Variants in ZEB1 observed in about 807,000 individuals in gnomAD.
ZEB1 encodes the protein zinc finger E-box binding homeobox 1.
A neutral mutation model predicts 84.9 loss-of-function variants in ZEB1; 21 were observed. The ratio of observed to expected loss-of-function variants is 0.25; its 90% confidence interval spans 0.18 to 0.36. The LOEUF (loss-of-function observed/expected upper bound fraction) is 0.36, where lower values mean the gene tolerates loss of function less well. Among genes scored for constraint, ZEB1 ranks in the 10% least tolerant of loss-of-function variants. The pLI is 1.00. For synonymous variants in ZEB1, 420 were observed against 471.1 expected (o/e 0.89, Z 1.41); for missense variants, 1,104 against 1,330.2 (o/e 0.83, Z 2.65).
intron 1 of ZEB1, among the ~76,000 whole-genome samples, chr10:31,404,002 C>T (rs962008364): frequency 2.6e-5 from 4 of 151,942 alleles, no homozygotes; most frequent in South Asian, 2.1e-4. Flanking sequence ...AAACTATGTA[C>T]GTGTTGACTA....
chr10:31,463,209 A>C lies in ZEB1; in HGVS notation c.259+1972A>C, dbSNP rs11008505. On this transcript the variant is annotated intron_variant, in intron 2 of 8. Coordinates refer to ENST00000424869, the MANE Select transcript of ZEB1 (RefSeq NM_001174096.2). ...AAAAAGGGGGCAATAAGAATAAGGT[A>C]GATGAAGGGAGAAAGGAAGGTGAAA... Among the ~76,000 whole-genome samples the C allele has an allele frequency of 2.1e-3, 318 of 152,276 alleles. 5 individuals carry two copies. The East Asian group carries it at 0.048, about 23-fold the overall frequency.
chr10:31,387,092 G>C, intron 1 of ZEB1: 1 of 985,736 alleles, frequency 1.0e-6, no homozygotes, highest in Non-Finnish European at 1.2e-6. Context: ...TTTGATCCCA[G>C]TATAATCTTT....
intron 3 of ZEB1, 101 bp downstream of exon 3, chr10:31,495,939 T>C (rs2067163978): frequency 1.6e-6 from 2 of 1,248,324 alleles, no homozygotes; most frequent in Non-Finnish European, 2.4e-6. Context: ...CGTTTCCTTC[T>C]CTTTTATCTT....
chr10:31,520,021 A>G lies in ZEB1; in HGVS notation c.794-105A>G. 1 of 1,407,062 alleles carries G rather than the reference A, an allele frequency of 7.1e-7. No individual in the cohort carries two copies. 87.2% of individuals were successfully genotyped at this position (1,407,062 alleles called of 1,614,324 possible). A position where few individuals can be genotyped will look rare whatever the true frequency, so the allele number is the denominator to read the frequency against. On this transcript the variant is annotated intron_variant, in intron 6 of 8. Coordinates refer to ENST00000424869, the MANE Select transcript of ZEB1 (RefSeq NM_001174096.2). This position sits in a 1 kb window ranked among gnomAD's most constrained non-coding sequence, Gnocchi z 5.1. ...CAGTTCTGTCACAAGCATGCATGGCAGTCTTCTTTTTAAAATTGATACCGC... is the reference window on the plus strand; with the variant it reads ...CAGTTCTGTCACAAGCATGCATGGCGGTCTTCTTTTTAAAATTGATACCGC...
chr10:31,496,428 T>A (rs79709253), intron 3 of ZEB1, among the ~76,000 whole-genome samples: 2,664 of 152,172 alleles, frequency 0.018, 46 homozygotes, highest in South Asian at 0.035. Context: ...AAAGTACATA[T>A]TCCCTGAAAC....
intron 3 of ZEB1, among the ~76,000 whole-genome samples, chr10:31,496,799 A>G (rs1372455660): frequency 6.6e-6 from 1 of 152,036 alleles, no homozygotes; most frequent in African/African-American, 2.4e-5. Context: ...AGGCTTACAA[A>G]TTATCTTTCA....
intron 1 of ZEB1, among the ~76,000 whole-genome samples, chr10:31,330,801 TTC>T (rs2036570208): frequency 1.3e-5 from 2 of 149,560 alleles, no homozygotes; most frequent in African/African-American, 2.5e-5. Flanking sequence ...ATGTTACTTA[TTC>T]CTATGTAATT....
intron 1 of ZEB1, among the ~76,000 whole-genome samples, chr10:31,407,832 AC>A (rs1306723187): frequency 7.3e-5 from 11 of 150,522 alleles, no homozygotes; most frequent in African/African-American, 2.7e-4. Context: ...GAAAACTGGC[AC>A]AAGACAGGGA....
At chr10:31,349,161 A>G (rs2040859861) in intron 1 of ZEB1, among the ~76,000 whole-genome samples, 1 of 152,174 alleles carries the variant, frequency 6.6e-6, no homozygotes, top group Non-Finnish European at 1.5e-5. Flanking sequence ...TATAAGTGAG[A>G]TCATTGGCAT....
intron 2 of ZEB1, among the ~76,000 whole-genome samples, chr10:31,462,240 T>G (rs930078218): frequency 3.3e-5 from 5 of 152,178 alleles, no homozygotes; most frequent in African/African-American, 1.2e-4. Context: ...TTCTACAATA[T>G]GACAAATCTA....
rs768559988 is a variant in ZEB1 at position 31,527,156 on chromosome 10, T to G, written c.3270T>G (p.Thr1090=). 1 of 1,610,162 alleles carries G rather than the reference T, an allele frequency of 6.2e-7. No homozygotes were observed. Among genetic ancestry groups the G allele is most frequent in the Non-Finnish European group, 8.5e-7 (1 of 1,178,086 alleles). Residue 1090 remains threonine, a synonymous_variant, in exon 9 of 9, where the codon ACT becomes ACG. Transcript: ENST00000424869. ...EAENEGEEAK[T]EGLMKDDRAE... ...AGAATGAGGGAGAAGAAGCAAAAACTGAAGGTCTGATGAAGGATGACAGGG... is the reference window on the plus strand; with the variant it reads ...AGAATGAGGGAGAAGAAGCAAAAACGGAAGGTCTGATGAAGGATGACAGGG...
chr10:31,419,158 G>A (rs974387469), intron 1 of ZEB1, among the ~76,000 whole-genome samples: 1 of 152,096 alleles, frequency 6.6e-6, no homozygotes, highest in South Asian at 2.1e-4. Flanking sequence ...TACAGAAGAG[G>A]TCACTTACAT....
chr10:31,470,800 G>C (rs1273706305), intron 2 of ZEB1, among the ~76,000 whole-genome samples: 2 of 132,250 alleles, frequency 1.5e-5, no homozygotes, highest in Non-Finnish European at 3.2e-5. Flanking sequence ...AAAATGTTAA[G>C]GGCAGCCAGA....
At chr10:31,407,119 A>G (rs928371308) in intron 1 of ZEB1, among the ~76,000 whole-genome samples, 1 of 151,262 alleles carries the variant, frequency 6.6e-6, no homozygotes, top group African/African-American at 2.4e-5. Context: ...TTATACCTTA[A>G]GTTTTAGGGT....
intron 1 of ZEB1, among the ~76,000 whole-genome samples, chr10:31,333,159 T>C (rs1402551884): frequency 6.6e-6 from 1 of 152,170 alleles, no homozygotes; most frequent in Non-Finnish European, 1.5e-5. Flanking sequence ...TCTTTGACAG[T>C]ATATTAAGCA....
At chr10:31,522,958 A>G (rs2072709258) in intron 7 of ZEB1, among the ~76,000 whole-genome samples, 1 of 152,200 alleles carries the variant, frequency 6.6e-6, no homozygotes, top group African/African-American at 2.4e-5. Context: ...TTGAATAGAA[A>G]AAGAGCCATC....
intron 1 of ZEB1, among the ~76,000 whole-genome samples, chr10:31,396,309 G>C (rs575274158): frequency 1.3e-5 from 2 of 152,216 alleles, no homozygotes; most frequent in East Asian, 3.9e-4. Context: ...CGATGGTGGC[G>C]ATACTCAGAA....
chr10:31,457,336 A>G (rs1445683521), intron 1 of ZEB1, among the ~76,000 whole-genome samples: 4 of 134,576 alleles, frequency 3.0e-5, no homozygotes, highest in African/African-American at 1.1e-4. Flanking sequence ...TCCACAAACA[A>G]AATGATAGAT....
intron 4 of ZEB1, among the ~76,000 whole-genome samples, chr10:31,508,752 G>A (rs191971090): frequency 1.5e-4 from 23 of 152,196 alleles, no homozygotes; most frequent in Non-Finnish European, 2.8e-4. Context: ...GTTGCACTGT[G>A]GCCTTCTTAC....
Sources: allele counts gnomAD v4.1 joint callset (sites outside exome capture counted in the v4.1 genomes callset), GRCh38; gene constraint gnomAD v4.1.1; non-coding constraint Gnocchi (gnomAD v3.1); transcripts MANE v1.5; gene names NCBI Gene and HGNC (gene_info 2026-07-23, HGNC 2026-07-21).